The following MDH1B variants were observed in gnomAD, a reference collection of about 807,000 sequenced individuals.
MDH1B encodes malate dehydrogenase 1B.
Under a neutral mutation model 61.4 loss-of-function variants are expected in MDH1B, and 60 were observed. The ratio of observed to expected loss-of-function variants is 0.98; its 90% CI spans 0.79 to 1.21. MDH1B has a LOEUF of 1.21. Ranked by LOEUF, MDH1B falls within the 50% of genes most tolerant of loss-of-function variation. The pLI is 0.00. For missense variants in MDH1B, 587 were observed against 632.1 expected (o/e 0.93, Z 0.76); for synonymous variants, 236 against 218.7 (o/e 1.08, Z -0.70).
intron 2 of MDH1B, among the ~76,000 whole-genome samples, chr2:206,758,969 T>G (rs535688507): frequency 6.6e-6 from 1 of 151,746 alleles, no homozygotes; most frequent in Non-Finnish European, 1.5e-5. Context: ...GTTTGTTTTT[T>G]TTTTTTTTCT....
chr2:206,749,498 T>A (rs79476834), intron 6 of MDH1B, among the ~76,000 whole-genome samples: 1,894 of 151,986 alleles, frequency 0.012, 26 homozygotes, highest in South Asian at 0.052. Context: ...CTGTGTAGAC[T>A]CTACCTTGGA....
chr2:206,742,252 C>T (rs753496771), intron 9 of MDH1B, among the ~76,000 whole-genome samples: 14 of 152,116 alleles, frequency 9.2e-5, no homozygotes, highest in Admixed American at 3.3e-4. Flanking sequence ...TGAACTGCAA[C>T]GAAAAGTGTA....
Position 206,738,223 on chromosome 2 carries a change from T to A in MDH1B, c.*260A>T. The A allele has an allele frequency of 6.2e-6, 2 of 320,882 alleles. No individual in the cohort carries two copies. Among genetic ancestry groups the A allele is most frequent in the Non-Finnish European group, 1.1e-5 (2 of 176,552 alleles). The allele number at this position is 320,882 out of a possible 1,614,324, so 19.9% of individuals were successfully genotyped here. ...GACTGACAACTCTATTTTAATGTAATATAAAAAATAGCATTTGACACCAAA... is the reference window on the plus strand; with the variant it reads ...GACTGACAACTCTATTTTAATGTAAAATAAAAAATAGCATTTGACACCAAA... On this transcript the variant is annotated 3_prime_UTR_variant, in exon 12 of 12. Transcript: ENST00000374412.
chr2:206,758,638 T>C (rs1020661048), intron 2 of MDH1B, among the ~76,000 whole-genome samples: 4 of 152,022 alleles, frequency 2.6e-5, no homozygotes, highest in Non-Finnish European at 5.9e-5. Context: ...TGGTGATGGG[T>C]GCCTATAATC....
rs1688284042 is a variant in MDH1B at position 206,749,046 on chromosome 2, A to G, written c.1190T>C (p.Ile397Thr). 6.2e-6 allele frequency: 10 copies of G among 1,613,770 alleles called. No individual in the cohort carries two copies. The highest frequency in any genetic ancestry group is 2.2e-5 in the East Asian group (1 of 44,862). Residue 397 changes from isoleucine to threonine, a missense_variant, in exon 7 of 12, where the codon ATT becomes ACT. Ile to Thr is a moderately conservative substitution (Grantham distance 89). Transcript: ENST00000374412. ...YWYHGSPPGEIVSLGILSEGQ... is the reference protein window; with the variant it reads ...YWYHGSPPGETVSLGILSEGQ... ...TTCACTCAATATTCCTAAAGATACA[A>G]TCTCCCCAGGTGGTGAGCCATGGTA...
At chr2:206,752,508 T>G (rs1305386282) in intron 5 of MDH1B, among the ~76,000 whole-genome samples, 1 of 151,612 alleles carries the variant, frequency 6.6e-6, no homozygotes, top group East Asian at 1.9e-4. Context: ...GGGGAGTTAG[T>G]GATGTGCTCC....
intron 1 of MDH1B, 132 bp from the exon 2 acceptor site, chr2:206,761,145 A>T: frequency 2.0e-6 from 1 of 504,234 alleles, no homozygotes; most frequent in Non-Finnish European, 3.5e-6. Context: ...TTGCAGTATA[A>T]ACTGCTATTA....
At chr2:206,746,148 C>A (rs1688097425) in intron 8 of MDH1B, 139 bp downstream of exon 8, 1 of 654,104 alleles carries the variant, frequency 1.5e-6, no homozygotes, top group Admixed American at 3.5e-5. Flanking sequence ...TGATTTTTTT[C>A]AAACTTTTAT....
chr2:206,756,663 C>A, intron 4 of MDH1B: 1 of 479,250 alleles, frequency 2.1e-6, no homozygotes, highest in Non-Finnish European at 3.7e-6. Flanking sequence ...TGTTTTTAGA[C>A]CAAGTGACTG....
intron 5 of MDH1B, among the ~76,000 whole-genome samples, chr2:206,753,496 G>A (rs940363678): frequency 1.3e-5 from 2 of 152,134 alleles, no homozygotes; most frequent in South Asian, 2.1e-4. Context: ...GAGTCCTGAC[G>A]AGCCAATACA....
At chr2:206,743,379 G>A (rs1427994457) in intron 9 of MDH1B, among the ~76,000 whole-genome samples, 1 of 152,138 alleles carries the variant, frequency 6.6e-6, no homozygotes, top group African/African-American at 2.4e-5. Flanking sequence ...TCAGATTCCA[G>A]GGACTTATCC....
intron 9 of MDH1B, 97 bp from the exon 10 acceptor site, chr2:206,741,201 A>G (rs2105915765): frequency 1.3e-6 from 2 of 1,514,814 alleles, no homozygotes; most frequent in Non-Finnish European, 1.8e-6. Context: ...TTCAAACTTC[A>G]GTGACTATGA....
intron 7 of MDH1B, among the ~76,000 whole-genome samples, chr2:206,746,757 G>A (rs1486273608): frequency 6.6e-6 from 1 of 152,090 alleles, no homozygotes; most frequent in African/African-American, 2.4e-5. Context: ...ATGAGCCTAA[G>A]TCATTTGTCC....
At chr2:206,747,948 C>G (rs575031280) in intron 7 of MDH1B, among the ~76,000 whole-genome samples, 1 of 152,092 alleles carries the variant, frequency 6.6e-6, no homozygotes, top group African/African-American at 2.4e-5. Flanking sequence ...AGCTAGAGCT[C>G]GGCAGAGAGG....
rs1315819061 is a variant in MDH1B, at chr2:206,751,079, T to C, written c.911-4A>G. 3 of 1,538,036 alleles carry C rather than the reference T, an allele frequency of 2.0e-6. No individual in the cohort carries two copies. Among genetic ancestry groups the C allele is most frequent in the South Asian group, 2.6e-5 (2 of 77,076 alleles). On this transcript the variant is annotated splice_polypyrimidine_tract_variant and splice_region_variant and intron_variant, in intron 5 of 11. Coordinates refer to ENST00000374412, the MANE Select transcript of MDH1B (RefSeq NM_001039845.3). ...CAAATGATCACGTCTTTAATGTCTGTGAAGAATAGAAAGTTTAGAAAAATA... is the reference window on the plus strand; with the variant it reads ...CAAATGATCACGTCTTTAATGTCTGCGAAGAATAGAAAGTTTAGAAAAATA...
intron 2 of MDH1B, among the ~76,000 whole-genome samples, chr2:206,757,922 A>G (rs1260421355): frequency 6.6e-6 from 1 of 152,204 alleles, no homozygotes; most frequent in East Asian, 1.9e-4. Context: ...ACAAGATCTG[A>G]GTACAGTCAA....
At chr2:206,747,572 C>T (rs1298720406) in intron 7 of MDH1B, among the ~76,000 whole-genome samples, 1 of 152,168 alleles carries the variant, frequency 6.6e-6, no homozygotes, top group African/African-American at 2.4e-5. Context: ...ATATAAAATG[C>T]TTCTCCTGTG....
rs1688790279 is a variant in MDH1B, at chr2:206,756,898, C to T, written c.413G>A (p.Ser138Asn). The change falls in exon 4 of 12, where the codon AGT becomes AAT. Residue 138 changes from serine to asparagine, a missense_variant and splice_region_variant. Ser to Asn is a conservative substitution (Grantham distance 46). Transcript: ENST00000374412. ...CINPLQVWIT[S>N]ASAPACYNLI... The stretch of plus-strand genomic sequence containing the variant: ...GAATCCTGGGATTTGACTGTCCCAC[C>T]TGGTGATCCAGACCTGCAAGGGGTT... 2 of 1,614,084 alleles carry T rather than the reference C, an allele frequency of 1.2e-6. No individual in the cohort carries two copies.
chr2:206,741,691 T>G (rs1036838896), intron 9 of MDH1B, among the ~76,000 whole-genome samples: 1 of 152,180 alleles, frequency 6.6e-6, no homozygotes, highest in Non-Finnish European at 1.5e-5. Flanking sequence ...ACTCAATAAA[T>G]TCCCCTTTAT....
Sources: gnomAD v4.1 joint callset for allele counts (sites outside exome capture counted in the v4.1 genomes callset) on GRCh38, gnomAD v4.1.1 for gene constraint, MANE v1.5 for transcripts, NCBI Gene and HGNC (gene_info 2026-07-23, HGNC 2026-07-21) for gene names.